The following NR2C2 variants were observed in gnomAD, a reference collection of about 807,000 sequenced individuals.
The protein encoded by NR2C2 is nuclear receptor subfamily 2 group C member 2, also known as Nuclear hormone receptor TR4.
In NR2C2, 6 loss-of-function variants were observed where a neutral mutation model predicts 62.9. That is an observed-to-expected ratio of 0.10 (90% CI 0.05 to 0.19). The LOEUF (loss-of-function observed/expected upper bound fraction) is 0.19, where lower values mean the gene tolerates loss of function less well. Among genes scored for constraint, NR2C2 ranks in the 10% least tolerant of loss-of-function variants. The pLI, the probability that NR2C2 is intolerant of heterozygous loss-of-function variation, is 1.00. For synonymous variants in NR2C2, 272 were observed against 273.8 expected (o/e 0.99, Z 0.07); for missense variants, 479 against 762.7 (o/e 0.63, Z 4.38).
At chr3:14,980,259 TC>T (rs1425346454) in intron 1 of NR2C2, among the ~76,000 whole-genome samples, 3 of 149,848 alleles carry the variant, frequency 2.0e-5, no homozygotes, top group Non-Finnish European at 4.4e-5. Context: ...CAAGCAGTCC[TC>T]CCGCCTCAGC....
intron 13 of NR2C2, among the ~76,000 whole-genome samples, chr3:15,040,166 C>CA (rs71268412): frequency 0.17 from 23,198 of 138,560 alleles, 2,055 homozygotes; most frequent in Admixed American, 0.24. Flanking sequence ...TCTCAAAAAA[C>CA]AAAAAAAAAA....
At chr3:14,976,005 C>T (rs994854360) in intron 1 of NR2C2, among the ~76,000 whole-genome samples, 2 of 152,086 alleles carry the variant, frequency 1.3e-5, no homozygotes, top group African/African-American at 4.8e-5. Flanking sequence ...AACTCCTGGG[C>T]TCAGGCAATC....
At chr3:14,968,927 T>C (rs2039948038) in intron 1 of NR2C2, among the ~76,000 whole-genome samples, 1 of 146,828 alleles carries the variant, frequency 6.8e-6, no homozygotes, top group Non-Finnish European at 1.5e-5. Flanking sequence ...TAGGTGGGAA[T>C]TGAACAACAA....
chr3:15,026,861 A>C (rs1370211310), intron 7 of NR2C2: 1 of 151,992 alleles, frequency 6.6e-6, no homozygotes, highest in Non-Finnish European at 1.5e-5. Context: ...CACCATACCC[A>C]GCTAATTTTG....
At chr3:14,966,207 A>G (rs13070935) in intron 1 of NR2C2, among the ~76,000 whole-genome samples, 1 of 152,180 alleles carries the variant, frequency 6.6e-6, no homozygotes, top group Non-Finnish European at 1.5e-5. Flanking sequence ...ATAATGAAGG[A>G]GCATACCAGT....
chr3:15,008,228 T>A (rs940324113), intron 2 of NR2C2, among the ~76,000 whole-genome samples: 8 of 151,624 alleles, frequency 5.3e-5, no homozygotes, highest in African/African-American at 1.9e-4. Context: ...TTGTTTTTTT[T>A]TTTAAATTAG....
In NR2C2 at chr3:14,988,249, C is replaced by CA. The variant is rs1315601221; in HGVS notation, c.-39-15626dup. On this transcript the variant is annotated intron_variant, in intron 1 of 13. Coordinates refer to ENST00000425241, the MANE Select transcript of NR2C2 (RefSeq NM_001291694.2). ...AGCTTGGAGATGGACCTCCAGCTTC[C>CA]AGTGCCAAGTCTCTCAGACCAGTGA... Among the ~76,000 whole-genome samples, 4 of 152,376 alleles carry CA rather than the reference C, an allele frequency of 2.6e-5. No individual in the cohort carries two copies. In the East Asian group the frequency reaches 7.7e-4, roughly 29 times the overall value.
chr3:14,991,812 G>A (rs529286847), intron 1 of NR2C2, among the ~76,000 whole-genome samples: 1 of 132,526 alleles, frequency 7.5e-6, no homozygotes, highest in South Asian at 2.3e-4. Flanking sequence ...CTCAAAGGCT[G>A]GAGCACAGTG....
chr3:14,971,194 T>C (rs1197496897), intron 1 of NR2C2, among the ~76,000 whole-genome samples: 2 of 151,988 alleles, frequency 1.3e-5, no homozygotes, highest in Non-Finnish European at 2.9e-5. Flanking sequence ...CTTGGCTCAC[T>C]GCAACCTTTG....
At chr3:15,013,891 G>T (rs761228439) in intron 3 of NR2C2, 102 bp downstream of exon 3, 46 of 1,241,600 alleles carry the variant, frequency 3.7e-5, no homozygotes, top group Admixed American at 9.8e-5. Context: ...TCCCTGGAAG[G>T]TTCCTTGGGG....
At chr3:14,985,091 G>A (rs1574963207) in intron 1 of NR2C2, among the ~76,000 whole-genome samples, 1 of 152,176 alleles carries the variant, frequency 6.6e-6, no homozygotes, top group East Asian at 1.9e-4. Flanking sequence ...CTTTGATGAA[G>A]TGTTTTATCA....
Position 15,043,739 on chromosome 3 carries a change from T to A in NR2C2, c.*731T>A, listed in dbSNP as rs1436645699. The stretch of plus-strand genomic sequence containing the variant: ...GCCATAGAGCAGACACTTGTCAGGT[T>A]CCCTGACTACTTGGTCCTGGTCTCT... On this transcript the variant is annotated 3_prime_UTR_variant, in exon 14 of 14. Coordinates refer to ENST00000425241, the MANE Select transcript of NR2C2 (RefSeq NM_001291694.2). 1 of 152,238 alleles carries A rather than the reference T, an allele frequency of 6.6e-6. No individual in the cohort carries two copies. Among genetic ancestry groups the A allele is most frequent in the Non-Finnish European group, 1.5e-5 (1 of 68,056 alleles). The allele number at this position is 152,238 out of a possible 1,614,324, so 9.4% of individuals were successfully genotyped here.
intron 5 of NR2C2, 40 bp from the exon 6 acceptor site, chr3:15,023,156 TGGAA>T: frequency 1.2e-6 from 2 of 1,604,482 alleles, no homozygotes; most frequent in Non-Finnish European, 1.7e-6. Context: ...TTTTATTGAT[TGGAA>T]TTGTTTCTCT....
chr3:15,008,358 T>A (rs1160370708), intron 2 of NR2C2, among the ~76,000 whole-genome samples: 1 of 151,434 alleles, frequency 6.6e-6, no homozygotes, highest in Non-Finnish European at 1.5e-5. Context: ...GTCATCTCTA[T>A]AAAAAATACA....
intron 1 of NR2C2, among the ~76,000 whole-genome samples, chr3:14,955,584 G>A (rs996447035): frequency 4.6e-5 from 7 of 152,268 alleles, no homozygotes; most frequent in South Asian, 4.2e-4. Flanking sequence ...GATTTGAAAC[G>A]AGTTACAAGT....
chr3:14,976,630 A>T (rs1408028967), intron 1 of NR2C2, among the ~76,000 whole-genome samples: 3 of 65,942 alleles, frequency 4.5e-5, no homozygotes, highest in Admixed American at 1.8e-4. Context: ...TTTTTGATGG[A>T]CAGCATGCTG....
In NR2C2 at chr3:15,046,024, A is replaced by C. The variant is rs568165148; in HGVS notation, c.*3016A>C. The C allele has an allele frequency of 6.6e-6, 1 of 152,368 alleles. No homozygotes were observed. The highest frequency in any genetic ancestry group is 2.1e-4 in the South Asian group (1 of 4,832). The allele number at this position is 152,368 out of a possible 1,614,324, so 9.4% of individuals were successfully genotyped here. ...CATTAGCATAAAACAGGACAGGAAG[A>C]GATTTTTTGAAAGACCAAATTAGTT... On this transcript the variant is annotated 3_prime_UTR_variant, in exon 14 of 14. Coordinates refer to ENST00000425241, the MANE Select transcript of NR2C2 (RefSeq NM_001291694.2).
chr3:14,982,817 A>G (rs774138042), intron 1 of NR2C2, among the ~76,000 whole-genome samples: 3 of 152,198 alleles, frequency 2.0e-5, no homozygotes, highest in Admixed American at 6.5e-5. Flanking sequence ...AAGTGTTGAT[A>G]GCAGGCATCC....
intron 2 of NR2C2, among the ~76,000 whole-genome samples, chr3:15,013,097 G>T (rs2124983794): frequency 6.6e-6 from 1 of 152,302 alleles, no homozygotes; most frequent in African/African-American, 2.4e-5. Context: ...TGGTCAATTA[G>T]TGGTAAGTTG....
Sources: allele counts gnomAD v4.1 joint callset (sites outside exome capture counted in the v4.1 genomes callset), GRCh38; gene constraint gnomAD v4.1.1; transcripts MANE v1.5; gene names NCBI Gene and HGNC (gene_info 2026-07-23, HGNC 2026-07-21).